Variants in OSBPL5 observed in about 807,000 individuals in gnomAD.
OSBPL5 encodes the protein oxysterol binding protein like 5.
In OSBPL5, 71 loss-of-function variants were observed where a neutral mutation model predicts 111.2. That is an observed-to-expected ratio of 0.64 (90% CI 0.53 to 0.78). The LOEUF (loss-of-function observed/expected upper bound fraction) is 0.78, where lower values mean the gene tolerates loss of function less well. OSBPL5 is among the 30% of genes least tolerant of loss of function. The pLI is 0.00. For synonymous variants in OSBPL5, 549 were observed against 513.9 expected (o/e 1.07, Z -0.93); for missense variants, 1,210 against 1,189.3 (o/e 1.02, Z -0.26).
intron 10 of OSBPL5, 69 bp from the exon 11 acceptor site, chr11:3,103,389 C>A: frequency 2.8e-6 from 4 of 1,418,306 alleles, no homozygotes; most frequent in East Asian, 5.0e-5. Context: ...TTCCCTGACC[C>A]TTCCCTCCTA....
intron 10 of OSBPL5, among the ~76,000 whole-genome samples, chr11:3,103,746 C>CCCTTCCTGCCTCTGCTG (rs1857554395): frequency 2.2e-5 from 1 of 44,462 alleles, no homozygotes; most frequent in African/African-American, 6.4e-5. Flanking sequence ...GCCTCTGCAA[C>CCCTTCCTGCCTCTGCTG]CCTCTTCCAG....
In OSBPL5 at chr11:3,093,744, A is replaced by G. The variant is rs1590632680; in HGVS notation, c.1809+2T>C. The G allele has an allele frequency of 2.5e-6, 4 of 1,612,552 alleles. No individual in the cohort carries two copies. Among genetic ancestry groups the G allele is most frequent in the Non-Finnish European group, 3.4e-6 (4 of 1,179,894 alleles). ...TGCCTGCCCTGAGGGACGGCCCCTT[A>G]CCCAGTGGCCACTGAGGCTCGCCAG... On this transcript the variant is annotated splice_donor_variant, in intron 16 of 21. Transcript: ENST00000263650. LOFTEE classifies it high-confidence loss of function.
rs1281091444 is a variant in OSBPL5 at position 3,105,857 on chromosome 11, G to A, written c.1059+1406C>T. 1.3e-5 allele frequency among the ~76,000 whole-genome samples: 2 copies of A among 150,000 alleles called. No homozygotes were observed. Among genetic ancestry groups the A allele is most frequent in the Non-Finnish European group, 3.0e-5 (2 of 67,364 alleles). ...CAGCAGCGTCGCTCATCACCATCTG[G>A]CTGAGATCTACCCAATCCAACTTCC... On this transcript the variant is annotated intron_variant, in intron 9 of 21. Coordinates refer to ENST00000263650, the MANE Select transcript of OSBPL5 (RefSeq NM_020896.4). The surrounding 1 kb of genome is among the most constrained non-coding windows in gnomAD (Gnocchi z 5.2).
At chr11:3,108,969 T>C (rs1348156003) in intron 7 of OSBPL5, among the ~76,000 whole-genome samples, 1 of 152,166 alleles carries the variant, frequency 6.6e-6, no homozygotes. Context: ...GGTTTCCTCA[T>C]GTTGGTCAGG....
chr11:3,146,976 G>C lies in OSBPL5; in HGVS notation c.-21-17807C>G, dbSNP rs902505682. Among the ~76,000 whole-genome samples, 1 of 152,150 alleles carries C rather than the reference G, an allele frequency of 6.6e-6. No homozygotes were observed. Among genetic ancestry groups the C allele is most frequent in the South Asian group, 2.1e-4 (1 of 4,828 alleles). On this transcript the variant is annotated intron_variant, in intron 1 of 21. Transcript: ENST00000263650. This position sits in a 1 kb window ranked among gnomAD's most constrained non-coding sequence, Gnocchi z 7.8. Reference sequence around the variant, plus strand: ...GCACGGGGGCCTTGGCAGCTGTCACGACCCTCCTGAGCTAAACGCACAGCC... The same window carrying C: ...GCACGGGGGCCTTGGCAGCTGTCACCACCCTCCTGAGCTAAACGCACAGCC...
At chr11:3,135,917 T>A (rs932657552) in intron 1 of OSBPL5, among the ~76,000 whole-genome samples, 2 of 152,190 alleles carry the variant, frequency 1.3e-5, no homozygotes, top group Admixed American at 6.5e-5. Context: ...GAGCTCTGAC[T>A]CTGGGCTGAC....
At chr11:3,149,934 C>T (rs1846518068) in intron 1 of OSBPL5, among the ~76,000 whole-genome samples, 1 of 152,232 alleles carries the variant, frequency 6.6e-6, no homozygotes, top group South Asian at 2.1e-4. Context: ...CAGGCACACA[C>T]ACACGGATGC....
chr11:3,125,571 C>T (rs1411190143), intron 3 of OSBPL5, among the ~76,000 whole-genome samples: 4 of 152,146 alleles, frequency 2.6e-5, no homozygotes, highest in Admixed American at 1.3e-4. Context: ...TTTGGGAGGC[C>T]GAGGCGGGTG....
At chr11:3,147,872 G>T (rs1846413849) in intron 1 of OSBPL5, among the ~76,000 whole-genome samples, 1 of 152,164 alleles carries the variant, frequency 6.6e-6, no homozygotes, top group African/African-American at 2.4e-5. Context: ...TCTCGTCTGG[G>T]TCTCCACCAC....
intron 1 of OSBPL5, among the ~76,000 whole-genome samples, chr11:3,150,162 C>G (rs991201883): frequency 6.6e-6 from 1 of 152,188 alleles, no homozygotes; most frequent in East Asian, 1.9e-4. Context: ...CCTCCTGCCC[C>G]AGGCAGGAGG....
In OSBPL5 at chr11:3,147,842, G is replaced by A. The variant is rs139170647; in HGVS notation, c.-22+17374C>T. 4.7e-3 allele frequency among the ~76,000 whole-genome samples: 713 copies of A among 152,250 alleles called. 5 individuals carry two copies. The highest frequency in any genetic ancestry group is 0.017 in the African/African-American group (698 of 41,538). On this transcript the variant is annotated intron_variant, in intron 1 of 21. Coordinates refer to ENST00000263650, the MANE Select transcript of OSBPL5 (RefSeq NM_020896.4). The stretch of plus-strand genomic sequence containing the variant: ...AGCCTCGGCAAGTGGGAGTTGATGC[G>A]AGTGACCCGGGCCCTTCTGTCTCGT...
At chr11:3,160,503 G>T (rs1174182682) in intron 1 of OSBPL5, among the ~76,000 whole-genome samples, 1 of 152,192 alleles carries the variant, frequency 6.6e-6, no homozygotes, top group Non-Finnish European at 1.5e-5. Context: ...CAGCGAATGG[G>T]ACCCACAGCG....
In OSBPL5 at chr11:3,103,227, G is replaced by A; in HGVS notation, c.1326+12C>T. 6.3e-7 allele frequency: 1 copy of A among 1,590,948 alleles called. No individual in the cohort carries two copies. Among genetic ancestry groups the A allele is most frequent in the African/African-American group, 1.3e-5 (1 of 74,298 alleles). ...GCCGGAGCCCCACCCTCCCTGGCTG[G>A]CAGGGGCTCACCTTGGGCTTCTTGT... On this transcript the variant is annotated intron_variant, in intron 11 of 21. Coordinates refer to ENST00000263650, the MANE Select transcript of OSBPL5 (RefSeq NM_020896.4).
intron 5 of OSBPL5, 133 bp from the exon 6 acceptor site, chr11:3,120,757 C>T: frequency 1.1e-6 from 1 of 906,334 alleles, no homozygotes; most frequent in Non-Finnish European, 1.7e-6. Context: ...CTCACTCCCC[C>T]ACACCAGTTC....
chr11:3,142,343 G>A lies in OSBPL5; in HGVS notation c.-21-13174C>T, dbSNP rs1846150754. Among the ~76,000 whole-genome samples, 1 of 152,208 alleles carries A rather than the reference G, an allele frequency of 6.6e-6. No homozygotes were observed. The highest frequency in any genetic ancestry group is 2.1e-4 in the South Asian group (1 of 4,832). ...CACGGGGCTGCCCACAGCTGGGGGA[G>A]TGCAATGCCCAGATGGTCCAAGAGA... On this transcript the variant is annotated intron_variant, in intron 1 of 21. Transcript: ENST00000263650. The surrounding 1 kb of genome is among the most constrained non-coding windows in gnomAD (Gnocchi z 7.1).
At chr11:3,158,562 C>T (rs1212155193) in intron 1 of OSBPL5, among the ~76,000 whole-genome samples, 1 of 152,236 alleles carries the variant, frequency 6.6e-6, no homozygotes, top group Non-Finnish European at 1.5e-5. Context: ...CATGGGGACA[C>T]CCCACGTGCA....
chr11:3,112,035 A>G (rs1407082889), intron 7 of OSBPL5, among the ~76,000 whole-genome samples: 37 of 60,550 alleles, frequency 6.1e-4, no homozygotes, highest in African/African-American at 2.4e-3. Context: ...ATGTGTGTGT[A>G]TGTGTGCGCG....
At chr11:3,108,152 C>T (rs374970348) in intron 7 of OSBPL5, among the ~76,000 whole-genome samples, 2 of 152,110 alleles carry the variant, frequency 1.3e-5, no homozygotes, top group African/African-American at 4.8e-5. Context: ...GGGCAGACAT[C>T]GGGAACCCCT....
At chr11:3,164,996 C>CGCTCCCCA (rs1347413885) in intron 1 of OSBPL5, among the ~76,000 whole-genome samples, 7 of 151,202 alleles carry the variant, frequency 4.6e-5, no homozygotes, top group Admixed American at 2.0e-4. Context: ...CAGGCTCCCG[C>CGCTCCCCA]GCTCCCCAGC....
Sources: allele counts gnomAD v4.1 joint callset (sites outside exome capture counted in the v4.1 genomes callset), GRCh38; gene constraint gnomAD v4.1.1; non-coding constraint Gnocchi (gnomAD v3.1); transcripts MANE v1.5; gene names NCBI Gene and HGNC (gene_info 2026-07-23, HGNC 2026-07-21).